Variants in TRRAP observed in about 807,000 individuals in gnomAD.
TRRAP encodes the protein transformation/transcription domain-associated protein.
A neutral mutation model predicts 438.8 loss-of-function variants in TRRAP; 41 were observed. The observed-to-expected ratio is 0.09, with a 90% CI of 0.07 to 0.12. The LOEUF (loss-of-function observed/expected upper bound fraction) is 0.12. TRRAP is among the 10% of genes least tolerant of loss of function. The probability of loss-of-function intolerance (pLI) is 1.00; values close to 1 mark genes in which losing one functional copy is unlikely to be tolerated. For synonymous variants in TRRAP, 1,994 were observed against 1,962.9 expected (o/e 1.02, Z -0.42); for missense variants, 3,122 against 5,055.1 (o/e 0.62, Z 11.60).
At chr7:98,944,861 A>G (rs947376159) in intron 31 of TRRAP, among the ~76,000 whole-genome samples, 6 of 152,034 alleles carry the variant, frequency 3.9e-5, no homozygotes, top group African/African-American at 1.2e-4. Context: ...CTGGAGTGCA[A>G]TAGCACAGTC....
At chr7:98,946,438 C>T (rs2116592701) in intron 33 of TRRAP, among the ~76,000 whole-genome samples, 1 of 151,698 alleles carries the variant, frequency 6.6e-6, no homozygotes, top group African/African-American at 2.4e-5. Context: ...TGCACACACA[C>T]CGATGCACTC....
chr7:98,893,062 A>G (rs959612193), intron 5 of TRRAP, among the ~76,000 whole-genome samples: 2 of 151,600 alleles, frequency 1.3e-5, no homozygotes, highest in Non-Finnish European at 2.9e-5. Context: ...AGTGATTGTC[A>G]TGCCTCAACC....
In TRRAP at chr7:99,012,439, C is replaced by A; in HGVS notation, c.*84C>A. ...TTTTACGACTTCTCCCTGCCTCGTT[C>A]CTTATATTCACAGAAGCCCCATAGT... On this transcript the variant is annotated 3_prime_UTR_variant, in exon 73 of 73. Transcript: ENST00000456197. The surrounding 1 kb of genome is among the most constrained non-coding windows in gnomAD (Gnocchi z 5.9). The A allele has an allele frequency of 7.0e-7, 1 of 1,431,952 alleles. No individual in the cohort carries two copies. The allele number at this position is 1,431,952 out of a possible 1,614,324, so 88.7% of individuals were successfully genotyped here. A position where few individuals can be genotyped will look rare whatever the true frequency, so the allele number is the denominator to read the frequency against.
chr7:98,959,709 G>A (rs1791791550), intron 45 of TRRAP, among the ~76,000 whole-genome samples: 1 of 152,032 alleles, frequency 6.6e-6, no homozygotes, highest in African/African-American at 2.4e-5. Flanking sequence ...TGCTCTTGAG[G>A]CTTTAGGAGT....
At position 98,957,977 on chromosome 7, in the gene TRRAP, C is replaced by T. The variant is rs1554420250; in HGVS notation, c.6232-4C>T. The T allele has an allele frequency of 3.7e-6, 6 of 1,613,424 alleles. No individual in the cohort carries two copies. In the East Asian group the frequency reaches 1.3e-4, roughly 36 times the overall value. On this transcript the variant is annotated splice_region_variant and splice_polypyrimidine_tract_variant and intron_variant, in intron 43 of 72. Transcript: ENST00000456197. The stretch of plus-strand genomic sequence containing the variant: ...TTCCTGCCTGAAAGGAGGTCCTTTT[C>T]CAGGTCTTTGGGAGGAGCCAGTCGC...
chr7:98,880,105 C>T (rs1334253094), intron 1 of TRRAP, among the ~76,000 whole-genome samples: 1 of 152,064 alleles, frequency 6.6e-6, no homozygotes, highest in African/African-American at 2.4e-5. Context: ...TATAGTTTCC[C>T]GTGCCCGTCA....
intron 51 of TRRAP, among the ~76,000 whole-genome samples, chr7:98,969,610 G>A (rs937250466): frequency 1.3e-5 from 2 of 152,202 alleles, no homozygotes; most frequent in Non-Finnish European, 1.5e-5. Context: ...GCTTGTGCAC[G>A]GCCTGTGGGG....
chr7:98,988,673 G>T (rs762384249), intron 62 of TRRAP, 92 bp from the exon 63 acceptor site: 3 of 1,417,396 alleles, frequency 2.1e-6, no homozygotes, highest in African/African-American at 2.8e-5. Context: ...CAAATGCCCC[G>T]CAGTGTTCAT....
At chr7:98,893,991 G>A (rs1420327488) in intron 6 of TRRAP, 110 bp downstream of exon 6, 3 of 926,674 alleles carry the variant, frequency 3.2e-6, no homozygotes, top group Admixed American at 4.9e-5. Flanking sequence ...TTCAAGTGTA[G>A]AAATACAGCC....
Position 98,962,561 on chromosome 7 carries a change from T to C in TRRAP, c.6829+134T>C, listed in dbSNP as rs1464927649. The C allele has an allele frequency of 1.5e-5, 23 of 1,526,732 alleles. 1 individual carries two copies. Among genetic ancestry groups the C allele is most frequent in the South Asian group, 5.0e-5 (4 of 80,360 alleles). 94.6% of individuals were successfully genotyped at this position (1,526,732 alleles called of 1,614,324 possible). On this transcript the variant is annotated intron_variant, in intron 47 of 72. Transcript: ENST00000456197. The stretch of plus-strand genomic sequence containing the variant: ...TGAGCCGCTGCGTTGTTCAGGTGTC[T>C]GTTGCCTGGGGCCCTCAAGGCCGCC...
intron 37 of TRRAP, 54 bp downstream of exon 37, chr7:98,949,895 A>G: frequency 1.3e-6 from 2 of 1,584,054 alleles, no homozygotes; most frequent in South Asian, 2.3e-5. Flanking sequence ...CCAAAAGCTC[A>G]GCCAGAGCCT....
intron 23 of TRRAP, among the ~76,000 whole-genome samples, chr7:98,927,640 T>G (rs1034975019): frequency 1.3e-5 from 2 of 152,214 alleles, no homozygotes; most frequent in Non-Finnish European, 2.9e-5. Flanking sequence ...TGGGACAAGC[T>G]GCCTGTGAAA....
intron 31 of TRRAP, among the ~76,000 whole-genome samples, chr7:98,944,950 G>A (rs1388107365): frequency 6.6e-6 from 1 of 152,054 alleles, no homozygotes; most frequent in Non-Finnish European, 1.5e-5. Flanking sequence ...GATTACAGGC[G>A]CCTGACACCA....
chr7:98,892,995 A>G (rs1184725583), intron 5 of TRRAP, among the ~76,000 whole-genome samples: 1 of 151,298 alleles, frequency 6.6e-6, no homozygotes, highest in Non-Finnish European at 1.5e-5. Flanking sequence ...GTCTTGGCCC[A>G]GGCTGGAGTG....
chr7:98,903,612 C>G (rs1796571059), intron 12 of TRRAP, 95 bp downstream of exon 12: 1 of 1,536,238 alleles, frequency 6.5e-7, no homozygotes, highest in African/African-American at 1.4e-5. Context: ...TGTGAGGTTT[C>G]CATGTATCCT....
intron 65 of TRRAP, among the ~76,000 whole-genome samples, chr7:98,992,508 A>C (rs1332310595): frequency 6.6e-6 from 1 of 152,144 alleles, no homozygotes; most frequent in East Asian, 1.9e-4. Flanking sequence ...TGTAAAGTTT[A>C]CCTTTCTCCT....
intron 11 of TRRAP, among the ~76,000 whole-genome samples, chr7:98,902,878 G>A (rs1216922864): frequency 1.4e-5 from 2 of 143,662 alleles, no homozygotes; most frequent in Non-Finnish European, 3.0e-5. Context: ...TTGGAGGCCA[G>A]CTCGGGTAAC....
intron 33 of TRRAP, among the ~76,000 whole-genome samples, chr7:98,947,999 A>G (rs1193038884): frequency 5.3e-5 from 8 of 152,146 alleles, no homozygotes; most frequent in African/African-American, 1.9e-4. Flanking sequence ...CCACACCCCT[A>G]CAATGGACAG....
Position 98,993,097 on chromosome 7 carries a change from G to T in TRRAP, c.9848-441G>T, listed in dbSNP as rs569616025. ...TTTCCAAACCAGTTTCCTATTAACT[G>T]CTTTTAGATTCTCTGAGTTTATAGT... is the stretch of plus-strand genomic sequence containing the variant. On this transcript the variant is annotated intron_variant, in intron 65 of 72. Transcript: ENST00000456197. 3.9e-5 allele frequency among the ~76,000 whole-genome samples: 6 copies of T among 152,242 alleles called. No homozygotes were observed. In the South Asian group the frequency reaches 8.3e-4, roughly 21 times the overall value.
Sources: gnomAD v4.1 joint callset for allele counts (sites outside exome capture counted in the v4.1 genomes callset) on GRCh38, gnomAD v4.1.1 for gene constraint, Gnocchi (gnomAD v3.1) non-coding constraint, MANE v1.5 for transcripts, NCBI Gene and HGNC (gene_info 2026-07-23, HGNC 2026-07-21) for gene names.